Variants in CNTNAP3 observed in about 807,000 individuals in gnomAD.
CNTNAP3 encodes the protein contactin-associated protein-like 3.
Under a neutral mutation model 92.1 loss-of-function variants are expected in CNTNAP3, and 36 were observed. That is an observed-to-expected ratio of 0.39 (90% confidence interval 0.30 to 0.52). CNTNAP3 has a LOEUF of 0.52. CNTNAP3 is among the 20% of genes least tolerant of loss of function. CNTNAP3 has a pLI of 0.76. For synonymous variants in CNTNAP3, 232 were observed against 422.3 expected, an observed-to-expected ratio of 0.55 and a Z score of 5.53; for missense variants, 534 against 1,069.6, an observed-to-expected ratio of 0.50 and a Z score of 6.98.
chr9:39,084,839 T>A, intron 21 of CNTNAP3: 4 of 151,920 alleles, frequency 2.6e-5, no homozygotes, highest in Admixed American at 2.6e-4. Flanking sequence ...GCAAAATGAA[T>A]ATTTATAATT....
At position 39,133,006 on chromosome 9, in the gene CNTNAP3, G is replaced by GCGGAC; in HGVS notation, c.2001_2005dup (p.Ala669GlyfsTer4). ...CTCGCAGCGCTCCGCCAGGTTCACC[G>GCGGAC]CGGACCGCAGCTGCCCCGCGCCCGC... is the stretch of plus-strand genomic sequence containing the variant. On this transcript the variant is annotated frameshift_variant, in exon 13 of 24. Coordinates refer to ENST00000297668, the MANE Select transcript of CNTNAP3 (RefSeq NM_033655.5). LOFTEE classifies it high-confidence loss of function. The GCGGAC allele has an allele frequency of 1.9e-6, 3 of 1,539,266 alleles. No homozygotes were observed. The highest frequency in any genetic ancestry group is 2.6e-6 in the Non-Finnish European group (3 of 1,150,232).
chr9:39,117,271 C>T (rs1255724635), intron 14 of CNTNAP3, among the ~76,000 whole-genome samples: 3 of 151,924 alleles, frequency 2.0e-5, no homozygotes, highest in Non-Finnish European at 2.9e-5. Flanking sequence ...TGATTACAGG[C>T]GTGAGCCACA....
intron 21 of CNTNAP3, among the ~76,000 whole-genome samples, chr9:39,080,660 C>CTTTTTT: frequency 1.1e-5 from 1 of 91,112 alleles, no homozygotes; most frequent in Non-Finnish European, 2.3e-5. Flanking sequence ...TAGGGCAGAC[C>CTTTTTT]TTTTTTTTTT....
Position 39,081,818 on chromosome 9 carries a change from C to T in CNTNAP3, c.3443-2898G>A, listed in dbSNP as rs1180730871. ...ATCAGGCCAGGCACGGTGGCTCATG[C>T]CTGTAATCCCAGCACTTTGGGAGGC... is the stretch of plus-strand genomic sequence containing the variant. On this transcript the variant is annotated intron_variant, in intron 21 of 23. Coordinates refer to ENST00000297668, the MANE Select transcript of CNTNAP3 (RefSeq NM_033655.5). Among the ~76,000 whole-genome samples the T allele has an allele frequency of 6.6e-5, 10 of 151,412 alleles. No homozygotes were observed. The East Asian group carries it at 1.8e-3, about 27-fold the overall frequency.
chr9:39,161,439 G>C (rs935837594), intron 9 of CNTNAP3, among the ~76,000 whole-genome samples: 1 of 23,722 alleles, frequency 4.2e-5, no homozygotes, highest in African/African-American at 2.1e-4. Flanking sequence ...AATGGTGCTG[G>C]GATAACTGGC....
chr9:39,119,915 C>G (rs1350416725), intron 13 of CNTNAP3, among the ~76,000 whole-genome samples: 6 of 152,090 alleles, frequency 3.9e-5, no homozygotes, highest in Admixed American at 6.5e-5. Flanking sequence ...TAGGCTTTAT[C>G]TAACCTGACC....
chr9:39,158,182 GA>G (rs2118178163), intron 9 of CNTNAP3, among the ~76,000 whole-genome samples: 1 of 143,324 alleles, frequency 7.0e-6, no homozygotes, highest in Non-Finnish European at 1.5e-5. Context: ...TAAAGCAGTG[GA>G]AAAGGTAACG....
intron 18 of CNTNAP3, among the ~76,000 whole-genome samples, chr9:39,098,499 T>C (rs978828550): frequency 2.0e-4 from 30 of 152,264 alleles, no homozygotes; most frequent in Non-Finnish European, 3.8e-4. Context: ...TTACTTACTA[T>C]ATAATGTCTA....
chr9:39,124,643 C>T (rs539333621), intron 13 of CNTNAP3, among the ~76,000 whole-genome samples: 36 of 152,014 alleles, frequency 2.4e-4, no homozygotes, highest in Middle Eastern at 3.4e-3. Context: ...AGAATCTACA[C>T]AGAACTTAAA....
chr9:39,068,656 C>T lies in CNTNAP3; in HGVS notation c.*5234G>A, dbSNP rs1189336188. Among the ~76,000 whole-genome samples, 2 of 152,356 alleles carry T rather than the reference C, an allele frequency of 1.3e-5. No individual in the cohort carries two copies. Among genetic ancestry groups the T allele is most frequent in the South Asian group, 2.1e-4 (1 of 4,826 alleles). ...AAGTTTTCTCCAATGCAGCTCTTTC[C>T]TCGCCGGTACTCTATCCTGCAATCT... is the stretch of plus-strand genomic sequence containing the variant. On this transcript the variant is annotated 3_prime_UTR_variant, in exon 24 of 24. Transcript: ENST00000297668.
At chr9:39,168,429 T>C (rs1371434662) in intron 8 of CNTNAP3, among the ~76,000 whole-genome samples, 1 of 101,714 alleles carries the variant, frequency 9.8e-6, no homozygotes, top group Non-Finnish European at 2.0e-5. Flanking sequence ...ACAATTGAAC[T>C]TCTTCCTGGT....
intron 13 of CNTNAP3, 54 bp downstream of exon 13, chr9:39,132,878 G>C (rs1158063144): frequency 6.7e-7 from 1 of 1,495,564 alleles, no homozygotes; most frequent in Non-Finnish European, 8.8e-7. Flanking sequence ...CTCGCAGCCC[G>C]AGGGCCGCGC....
At chr9:39,143,966 T>G (rs1168868122) in intron 11 of CNTNAP3, among the ~76,000 whole-genome samples, 1 of 152,184 alleles carries the variant, frequency 6.6e-6, no homozygotes, top group African/African-American at 2.4e-5. Flanking sequence ...TTAATTTAGT[T>G]TCTACCTTTT....
At chr9:39,144,928 TCAATA>T (rs1286020171) in intron 10 of CNTNAP3, among the ~76,000 whole-genome samples, 2 of 151,682 alleles carry the variant, frequency 1.3e-5, no homozygotes, top group Non-Finnish European at 2.9e-5. Flanking sequence ...ATCCACAAAT[TCAATA>T]CAATTCTTAT....
intron 18 of CNTNAP3, among the ~76,000 whole-genome samples, chr9:39,090,942 T>A (rs2118439850): frequency 6.6e-6 from 1 of 152,324 alleles, no homozygotes; most frequent in South Asian, 2.1e-4. Context: ...TTTTTGATGC[T>A]ATTGTAAATA....
intron 14 of CNTNAP3, among the ~76,000 whole-genome samples, chr9:39,114,719 T>C (rs973827018): frequency 6.6e-5 from 10 of 152,296 alleles, no homozygotes; most frequent in Non-Finnish European, 1.0e-4. Flanking sequence ...TGTACACTTG[T>C]ATGCATTTAA....
chr9:39,159,479 T>C (rs193016743), intron 9 of CNTNAP3: 1,480 of 131,024 alleles, frequency 0.011, 27 homozygotes, highest in African/African-American at 0.041. Context: ...CCTGCCATCA[T>C]GCCCGGCTAA....
At chr9:39,137,235 T>C (rs1196645605) in intron 12 of CNTNAP3, among the ~76,000 whole-genome samples, 1 of 151,832 alleles carries the variant, frequency 6.6e-6, no homozygotes, top group African/African-American at 2.4e-5. Context: ...CAAGTTTCTA[T>C]TGAGGTATCT....
chr9:39,084,112 G>A (rs1165035244), intron 21 of CNTNAP3, among the ~76,000 whole-genome samples: 2 of 151,548 alleles, frequency 1.3e-5, no homozygotes, highest in Non-Finnish European at 2.9e-5. Context: ...ACATGTGAGT[G>A]TAGTGAGGGT....
Sources: allele counts gnomAD v4.1 joint callset (sites outside exome capture counted in the v4.1 genomes callset), GRCh38; gene constraint gnomAD v4.1.1; transcripts MANE v1.5; gene names NCBI Gene and HGNC (gene_info 2026-07-23, HGNC 2026-07-21).